The following FAT3 variants were observed in gnomAD, a reference collection of about 807,000 sequenced individuals.
FAT3 encodes the protein protocadherin Fat 3.
FAT3 carries 95 observed loss-of-function variants against 310.2 expected under a neutral mutation model. The observed-to-expected ratio is 0.31, with a 90% CI of 0.26 to 0.36. The LOEUF is 0.36. Ranked by LOEUF, FAT3 falls within the 10% of genes least tolerant of loss-of-function variation. FAT3 has a pLI of 1.00. For synonymous variants in FAT3, 2,314 were observed against 2,192.9 expected (o/e 1.06, Z -1.54); for missense variants, 5,408 against 5,715.6 (o/e 0.95, Z 1.74).
At chr11:92,429,258 T>G (rs1950709904) in intron 2 of FAT3, among the ~76,000 whole-genome samples, 1 of 152,178 alleles carries the variant, frequency 6.6e-6, no homozygotes, top group Non-Finnish European at 1.5e-5. Context: ...CCCTTTATTT[T>G]GAGCTTATGT....
At chr11:92,417,338 A>G (rs1274042092) in intron 2 of FAT3, among the ~76,000 whole-genome samples, 4 of 152,234 alleles carry the variant, frequency 2.6e-5, no homozygotes, top group African/African-American at 7.2e-5. Flanking sequence ...CAAATTCAAT[A>G]TAATATGTAT....
At chr11:92,425,014 A>G (rs981447778) in intron 2 of FAT3, among the ~76,000 whole-genome samples, 1 of 152,144 alleles carries the variant, frequency 6.6e-6, no homozygotes, top group African/African-American at 2.4e-5. Context: ...TCCAATGACA[A>G]TAATCACCCT....
rs979468701 is a variant in FAT3, at chr11:92,601,234, A to G, written c.3607+76286A>G. Among the ~76,000 whole-genome samples, 5 of 152,094 alleles carry G rather than the reference A, an allele frequency of 3.3e-5. No individual in the cohort carries two copies. The South Asian group carries it at 1.0e-3, about 32-fold the overall frequency. On this transcript the variant is annotated intron_variant, in intron 3 of 27. Coordinates refer to ENST00000525166, the MANE Select transcript of FAT3 (RefSeq NM_001367949.2). ...AGTGGAGATGAGAGTAAAAACAGGC[A>G]AAAAACATTCCATACAGGCATCATC...
At chr11:92,691,488 T>C (rs1322307357) in intron 3 of FAT3, among the ~76,000 whole-genome samples, 1 of 152,130 alleles carries the variant, frequency 6.6e-6, no homozygotes, top group Admixed American at 6.6e-5. Context: ...CTCAAACTCC[T>C]GGGCTCAAGC....
chr11:92,837,893 A>G (rs1948446730), intron 17 of FAT3, 87 bp downstream of exon 17: 9 of 1,509,124 alleles, frequency 6.0e-6, no homozygotes, highest in South Asian at 1.1e-5. Flanking sequence ...GTTTATTGCT[A>G]CTATTACTTA....
intron 4 of FAT3, among the ~76,000 whole-genome samples, chr11:92,756,382 C>CCA (rs950678579): frequency 7.2e-4 from 109 of 152,182 alleles, no homozygotes; most frequent in African/African-American, 2.5e-3. Context: ...TTGTGCTGAA[C>CCA]CACAGGTAAC....
Position 92,487,542 on chromosome 11 carries a change from A to G in FAT3, c.3293-37092A>G. On this transcript the variant is annotated intron_variant, in intron 2 of 27. Coordinates refer to ENST00000525166, the MANE Select transcript of FAT3 (RefSeq NM_001367949.2). ...GACATACAGATATAATGTACTCTAG[A>G]GATCTTTTAACTCTCGCAACAACCC... Among the ~76,000 whole-genome samples the G allele has an allele frequency of 1.3e-5, 2 of 152,308 alleles. 1 individual carries two copies. Among genetic ancestry groups the G allele is most frequent in the Middle Eastern group, 6.8e-3 (2 of 294 alleles).
chr11:92,373,203 A>G (rs1949242616), intron 2 of FAT3, among the ~76,000 whole-genome samples: 1 of 152,156 alleles, frequency 6.6e-6, no homozygotes, highest in Non-Finnish European at 1.5e-5. Flanking sequence ...ACTATCGTCT[A>G]GTACTTACTG....
At chr11:92,409,158 T>A (rs1454959533) in intron 2 of FAT3, among the ~76,000 whole-genome samples, 6 of 152,162 alleles carry the variant, frequency 3.9e-5, no homozygotes, top group African/African-American at 1.4e-4. Context: ...TTATATATAA[T>A]TCTTATTCAT....
chr11:92,310,981 G>C (rs1947284162), intron 1 of FAT3, among the ~76,000 whole-genome samples: 2 of 149,998 alleles, frequency 1.3e-5, no homozygotes, highest in Non-Finnish European at 1.5e-5. Context: ...TTTTGAGATG[G>C]AATCTCAGTC....
In FAT3 at chr11:92,709,425, C is replaced by T. The variant is rs138387276; in HGVS notation, c.3669+11980C>T. On this transcript the variant is annotated intron_variant, in intron 4 of 27. Coordinates refer to ENST00000525166, the MANE Select transcript of FAT3 (RefSeq NM_001367949.2). ...CCCTGGGTAGTTTCAAACTCCGCCT[C>T]TCCTTTAGGCTATTCTTAGCTTCAT... is the stretch of plus-strand genomic sequence containing the variant. Among the ~76,000 whole-genome samples, 7 of 152,274 alleles carry T rather than the reference C, an allele frequency of 4.6e-5. No homozygotes were observed. In the East Asian group the frequency reaches 1.4e-3, roughly 29 times the overall value.
At chr11:92,312,403 C>T (rs1947330446) in intron 1 of FAT3, among the ~76,000 whole-genome samples, 3 of 152,102 alleles carry the variant, frequency 2.0e-5, no homozygotes, top group Admixed American at 2.0e-4. Flanking sequence ...TCTATTCTTC[C>T]TACATGTATA....
At chr11:92,333,024 A>G (rs1419954087) in intron 1 of FAT3, among the ~76,000 whole-genome samples, 2 of 152,200 alleles carry the variant, frequency 1.3e-5, no homozygotes, top group African/African-American at 2.4e-5. Context: ...GGTTTAAGTG[A>G]TCTCAGCGTT....
rs1217897650 is a variant in FAT3 at position 92,412,723 on chromosome 11, ATATATATATATATATAT to A, written c.3292+57320_3292+57336del. On this transcript the variant is annotated intron_variant, in intron 2 of 27. Transcript: ENST00000525166. ...TGGTGATATATATATATATATATAT[ATATATATATATATATAT>A]ATATAAATATACATACATATATATA... 3.6e-3 allele frequency among the ~76,000 whole-genome samples: 123 copies of A among 34,388 alleles called. 11 individuals are homozygous for A. Among genetic ancestry groups the A allele is most frequent in the African/African-American group, 9.0e-3 (117 of 13,004 alleles). 22.6% of individuals were successfully genotyped at this position (34,388 alleles called of 152,430 possible).
chr11:92,754,626 T>TAAAAAAAAAAAA (rs1945933931), intron 4 of FAT3, among the ~76,000 whole-genome samples: 1 of 16,700 alleles, frequency 6.0e-5, no homozygotes, highest in Non-Finnish European at 9.4e-5. Flanking sequence ...AGACTCTGCC[T>TAAAAAAAAAAAA]CAAAAAAAAA....
At chr11:92,721,346 G>A (rs1944853242) in intron 4 of FAT3, among the ~76,000 whole-genome samples, 1 of 152,176 alleles carries the variant, frequency 6.6e-6, no homozygotes, top group Admixed American at 6.5e-5. Flanking sequence ...CATGGTGTGA[G>A]TGCCCAACTC....
chr11:92,655,599 C>T (rs1942548530), intron 3 of FAT3, among the ~76,000 whole-genome samples: 1 of 152,114 alleles, frequency 6.6e-6, no homozygotes, highest in South Asian at 2.1e-4. Flanking sequence ...TCTACTTACT[C>T]CTGACTCTTT....
chr11:92,885,891 C>T (rs1016807894), intron 24 of FAT3, among the ~76,000 whole-genome samples: 1 of 152,178 alleles, frequency 6.6e-6, no homozygotes, highest in Non-Finnish European at 1.5e-5. Flanking sequence ...CCACTTACAT[C>T]GGTCGTTTAG....
chr11:92,369,154 G>T (rs1239360935), intron 2 of FAT3, among the ~76,000 whole-genome samples: 1 of 152,134 alleles, frequency 6.6e-6, no homozygotes, highest in Non-Finnish European at 1.5e-5. Context: ...AACTGATGCG[G>T]TTAAAATATA....
Sources: gnomAD v4.1 joint callset for allele counts (sites outside exome capture counted in the v4.1 genomes callset) on GRCh38, gnomAD v4.1.1 for gene constraint, MANE v1.5 for transcripts, NCBI Gene and HGNC (gene_info 2026-07-23, HGNC 2026-07-21) for gene names.